VPS41: variants seen among roughly 807,000 people sequenced by gnomAD.
VPS41 encodes vacuolar protein sorting-associated protein 41 homolog.
A neutral mutation model predicts 130.9 loss-of-function variants in VPS41; 85 were observed. The ratio of observed to expected loss-of-function variants is 0.65; its 90% CI spans 0.55 to 0.78. The LOEUF (loss-of-function observed/expected upper bound fraction) is 0.78. Ranked by LOEUF, VPS41 falls within the 30% of genes least tolerant of loss-of-function variation. VPS41 has a pLI of 0.00. For missense variants in VPS41, 874 were observed against 1,018.7 expected, an observed-to-expected ratio of 0.86 and a Z score of 1.93; for synonymous variants, 335 against 332.9, an observed-to-expected ratio of 1.01 and a Z score of -0.07.
At position 38,766,964 on chromosome 7, in the gene VPS41, C is replaced by G. The variant is rs888536888; in HGVS notation, c.1247+573G>C. ...TGAGAATGGACTAATACATGGGGTT[C>G]TTGGTCACTAGAAAAGATTCAGATA... On this transcript the variant is annotated intron_variant, in intron 15 of 28. Coordinates refer to ENST00000310301, the MANE Select transcript of VPS41 (RefSeq NM_014396.4). Among the ~76,000 whole-genome samples, 7 of 152,118 alleles carry G rather than the reference C, an allele frequency of 4.6e-5. No homozygotes were observed. The East Asian group carries it at 1.3e-3, about 29-fold the overall frequency.
At chr7:38,810,458 A>G (rs1007860001) in intron 7 of VPS41, among the ~76,000 whole-genome samples, 21 of 152,234 alleles carry the variant, frequency 1.4e-4, no homozygotes, top group Non-Finnish European at 2.6e-4. Context: ...AAAAATTGTA[A>G]TAAGATTAAA....
intron 1 of VPS41, among the ~76,000 whole-genome samples, chr7:38,906,702 T>C (rs892450544): frequency 1.3e-5 from 2 of 152,110 alleles, no homozygotes; most frequent in East Asian, 1.9e-4. Context: ...CAACTACATA[T>C]TGGCTGTTAA....
chr7:38,889,353 A>G (rs1029043078), intron 2 of VPS41, among the ~76,000 whole-genome samples: 7 of 111,076 alleles, frequency 6.3e-5, no homozygotes, highest in African/African-American at 3.0e-4. Context: ...ACTTGCAAAC[A>G]CTAAAGTTAA....
At chr7:38,826,227 A>G (rs1269778910) in intron 5 of VPS41, among the ~76,000 whole-genome samples, 2 of 152,218 alleles carry the variant, frequency 1.3e-5, no homozygotes, top group Non-Finnish European at 2.9e-5. Context: ...AGGGGATTCT[A>G]AAATACCCAA....
At chr7:38,742,930 C>A (rs1485997079) in intron 24 of VPS41, among the ~76,000 whole-genome samples, 1 of 151,968 alleles carries the variant, frequency 6.6e-6, no homozygotes, top group Non-Finnish European at 1.5e-5. Context: ...GGGTGTTGTA[C>A]TGATAAAAAT....
At position 38,815,204 on chromosome 7, in the gene VPS41, A is replaced by G. The variant is rs375406131; in HGVS notation, c.450+2613T>C. ...TTTGGGAGGCCGAGGTGGGCTGATC[A>G]CCTGAAGTCAGGAGTTTGAGACCAG... is the stretch of plus-strand genomic sequence containing the variant. On this transcript the variant is annotated intron_variant, in intron 7 of 28. Coordinates refer to ENST00000310301, the MANE Select transcript of VPS41 (RefSeq NM_014396.4). 1.6e-3 allele frequency among the ~76,000 whole-genome samples: 244 copies of G among 152,288 alleles called. 1 individual carries two copies. The highest frequency in any genetic ancestry group is 3.4e-3 in the Middle Eastern group (1 of 294).
chr7:38,907,060 T>A (rs1404659816), intron 1 of VPS41, among the ~76,000 whole-genome samples: 2 of 145,498 alleles, frequency 1.4e-5, no homozygotes, highest in Non-Finnish European at 1.5e-5. Context: ...TGGTAAGAGG[T>A]ACACAGAAAT....
intron 2 of VPS41, among the ~76,000 whole-genome samples, chr7:38,896,056 C>T (rs1311069974): frequency 6.6e-6 from 1 of 152,150 alleles, no homozygotes; most frequent in Non-Finnish European, 1.5e-5. Context: ...GTATTACTCC[C>T]CATTTGCTAA....
intron 2 of VPS41, among the ~76,000 whole-genome samples, chr7:38,883,913 A>G (rs1282030201): frequency 6.6e-6 from 1 of 152,172 alleles, no homozygotes; most frequent in African/African-American, 2.4e-5. Flanking sequence ...AATCAGCAGA[A>G]CCTGTTAATA....
chr7:38,763,377 C>T (rs1324245556), intron 17 of VPS41, 78 bp downstream of exon 17: 4 of 975,278 alleles, frequency 4.1e-6, no homozygotes, highest in Non-Finnish European at 5.9e-6. Flanking sequence ...ACAGGCATTG[C>T]TCCATTGTAT....
chr7:38,776,811 CAG>C (rs1784268784), intron 10 of VPS41, 35 bp from the exon 11 acceptor site: 1 of 1,184,722 alleles, frequency 8.4e-7, no homozygotes, highest in Non-Finnish European at 1.3e-6. Flanking sequence ...TCATCATCAA[CAG>C]GGGCAAACAG....
chr7:38,870,192 G>A (rs1162117293), intron 2 of VPS41, among the ~76,000 whole-genome samples: 5 of 152,154 alleles, frequency 3.3e-5, no homozygotes, highest in African/African-American at 9.7e-5. Context: ...AGAGACCTGC[G>A]GGGCTAAGAT....
At chr7:38,851,422 T>C (rs931621895) in intron 4 of VPS41, among the ~76,000 whole-genome samples, 6 of 152,252 alleles carry the variant, frequency 3.9e-5, no homozygotes, top group African/African-American at 1.4e-4. Flanking sequence ...TGTTATAATA[T>C]GTAGCCTTTT....
chr7:38,857,356 C>T (rs944553241), intron 4 of VPS41, among the ~76,000 whole-genome samples: 2 of 152,072 alleles, frequency 1.3e-5, no homozygotes, highest in Non-Finnish European at 2.9e-5. Context: ...ACAGCAAAAC[C>T]TCATCATTTT....
rs1219254974 is a variant in VPS41, at chr7:38,901,482, A to T, written c.22-3353T>A. Among the ~76,000 whole-genome samples, 3 of 152,186 alleles carry T rather than the reference A, an allele frequency of 2.0e-5. No individual in the cohort carries two copies. The East Asian group carries it at 5.8e-4, about 29-fold the overall frequency. ...GGTAGCTGGCATATGCAGAGATCAC[A>T]TGGCAAGACAGGAAGCAAAAGAGGG... is the stretch of plus-strand genomic sequence containing the variant. On this transcript the variant is annotated intron_variant, in intron 1 of 28. Transcript: ENST00000310301.
rs758004566 is a variant in VPS41 at position 38,767,550 on chromosome 7, CAT to C, written c.1232_1233del (p.Tyr411Ter). 9 of 1,608,094 alleles carry C rather than the reference CAT, an allele frequency of 5.6e-6. No homozygotes were observed. The highest frequency in any genetic ancestry group is 7.7e-6 in the Non-Finnish European group (9 of 1,176,164). ...TGTCATCATTACCGTGCTGCTATGT[CAT>C]AGTCTCCTCTCTCCACCAGGTGATT... ...YINHLVERGD[Y>X]DIAARKCQKI... is the part of the protein sequence containing the mutation. On this transcript the variant is annotated frameshift_variant, in exon 15 of 29. Coordinates refer to ENST00000310301, the MANE Select transcript of VPS41 (RefSeq NM_014396.4). LOFTEE classifies it high-confidence loss of function.
intron 2 of VPS41, among the ~76,000 whole-genome samples, chr7:38,892,199 TAGA>T (rs1178902132): frequency 2.0e-5 from 3 of 151,960 alleles, no homozygotes; most frequent in Non-Finnish European, 4.4e-5. Flanking sequence ...TAAAGGTACA[TAGA>T]AGAAGAGTTT....
In VPS41 at chr7:38,909,010, C is replaced by T. The variant is rs1034305826; in HGVS notation, c.21+144G>A. 1.2e-5 allele frequency: 12 copies of T among 1,006,586 alleles called. No homozygotes were observed. The African/African-American group carries it at 1.7e-4, about 15-fold the overall frequency. 62.4% of individuals were successfully genotyped at this position (1,006,586 alleles called of 1,614,324 possible). On this transcript the variant is annotated intron_variant, in intron 1 of 28. Transcript: ENST00000310301. ...CTCTCTGCTCCCCGAAACCAACTTT[C>T]GCCATCCCACCCCGCCCTGCCGCGG...
At chr7:38,791,775 T>C (rs1784541088) in intron 9 of VPS41, among the ~76,000 whole-genome samples, 1 of 152,100 alleles carries the variant, frequency 6.6e-6, no homozygotes, top group African/African-American at 2.4e-5. Flanking sequence ...AGTTATCCTA[T>C]GGGCAAGGAG....
Sources: allele counts gnomAD v4.1 joint callset (sites outside exome capture counted in the v4.1 genomes callset), GRCh38; gene constraint gnomAD v4.1.1; transcripts MANE v1.5; gene names NCBI Gene and HGNC (gene_info 2026-07-23, HGNC 2026-07-21).